PRKX: variants seen among roughly 807,000 people sequenced by gnomAD.
The protein encoded by PRKX is cAMP-dependent protein kinase catalytic subunit PRKX.
Under a neutral mutation model 22.0 loss-of-function variants are expected in PRKX, and 12 were observed. The ratio of observed to expected loss-of-function variants is 0.54; its 90% CI spans 0.35 to 0.88. PRKX has a LOEUF of 0.88. Ranked by LOEUF, PRKX falls within the 40% of genes least tolerant of loss-of-function variation. The pLI is 0.01. For missense variants in PRKX, 217 were observed against 308.0 expected (o/e 0.70, Z 2.21); for synonymous variants, 134 against 137.7 (o/e 0.97, Z 0.19).
At chrX:3,637,844 G>A (rs1926926383) in intron 4 of PRKX, among the ~76,000 whole-genome samples, 2 of 106,902 alleles carry the variant, frequency 1.9e-5, no homozygotes, top group Non-Finnish European at 3.8e-5. Context: ...TCGGCTCACC[G>A]CAACCTACCC....
chrX:3,665,233 C>T (rs1445062530), intron 2 of PRKX, among the ~76,000 whole-genome samples: 2 of 111,481 alleles, frequency 1.8e-5, no homozygotes, highest in Admixed American at 1.9e-4. Context: ...ACAGAAGGAT[C>T]CATACCAGGC....
At chrX:3,711,107 A>T (rs1928779991) in intron 1 of PRKX, among the ~76,000 whole-genome samples, 1 of 111,465 alleles carries the variant, frequency 9.0e-6, no homozygotes. Context: ...GTTGCAGATA[A>T]TGTCACCAAA....
intron 1 of PRKX, among the ~76,000 whole-genome samples, chrX:3,711,648 C>G (rs1928791741): frequency 9.0e-6 from 1 of 111,585 alleles, no homozygotes; most frequent in Non-Finnish European, 1.9e-5. Context: ...CTGCGCCAGT[C>G]AGGGTTCCTG....
chrX:3,688,680 T>C (rs1352102933), intron 1 of PRKX, among the ~76,000 whole-genome samples: 3 of 109,469 alleles, frequency 2.7e-5, no homozygotes, highest in African/African-American at 1.0e-4. Context: ...CTGGGCAACA[T>C]AGCCAGACAC....
At chrX:3,616,449 A>G (rs1040692074) in intron 6 of PRKX, among the ~76,000 whole-genome samples, 4 of 111,673 alleles carry the variant, frequency 3.6e-5, no homozygotes, top group Non-Finnish European at 7.5e-5. Flanking sequence ...AGCACCAGGC[A>G]TCGCTGGCTC....
Position 3,713,547 on chromosome X carries a change from G to A in PRKX, c.-294C>T, listed in dbSNP as rs755556312. On this transcript the variant is annotated 5_prime_UTR_variant, in exon 1 of 9. Coordinates refer to ENST00000262848, the MANE Select transcript of PRKX (RefSeq NM_005044.5). ...GAAGGCGGGGGCCGCGGCCCGGGCT[G>A]GGGGGGGCGAGGCGGGGGCCCTGCG... 9 of 190,189 alleles carry A rather than the reference G, an allele frequency of 4.7e-5. No homozygotes were observed. The South Asian group carries it at 8.9e-4, about 19-fold the overall frequency. 15.7% of individuals were successfully genotyped at this position (190,189 alleles called of 1,213,427 possible). A position where few individuals can be genotyped will look rare whatever the true frequency, so the allele number is the denominator to read the frequency against.
At chrX:3,665,156 G>C (rs6641829) in intron 2 of PRKX, among the ~76,000 whole-genome samples, 18,986 of 111,195 alleles carry the variant, frequency 0.17, 1,361 homozygotes, top group East Asian at 0.35. Flanking sequence ...ACGTGTGTGT[G>C]CTTGTGTGTG....
intron 1 of PRKX, among the ~76,000 whole-genome samples, chrX:3,680,130 CTGT>C (rs34465309): frequency 2.2e-3 from 239 of 107,881 alleles, no homozygotes; most frequent in Middle Eastern, 4.7e-3. Flanking sequence ...ACATCCTGGC[CTGT>C]TGTTGTTGTT....
intron 3 of PRKX, among the ~76,000 whole-genome samples, chrX:3,646,023 G>A (rs755641539): frequency 1.6e-4 from 18 of 111,609 alleles, no homozygotes; most frequent in Non-Finnish European, 1.9e-5. Flanking sequence ...GGCCAGGCAC[G>A]GTGGTTCATG....
intron 1 of PRKX, among the ~76,000 whole-genome samples, chrX:3,675,574 C>T (rs1927936632): frequency 9.1e-6 from 1 of 110,050 alleles, no homozygotes; most frequent in Non-Finnish European, 1.9e-5. Context: ...TCCTCCTCCT[C>T]TCCCTCCTCT....
At chrX:3,702,316 T>G (rs765465848) in intron 1 of PRKX, among the ~76,000 whole-genome samples, 2 of 113,181 alleles carry the variant, frequency 1.8e-5, no homozygotes, top group East Asian at 5.5e-4. Context: ...CACACCTGTG[T>G]GCAACCCTTT....
chrX:3,685,937 G>A (rs375367880), intron 1 of PRKX, among the ~76,000 whole-genome samples: 3 of 111,064 alleles, frequency 2.7e-5, no homozygotes, highest in Non-Finnish European at 3.8e-5. Flanking sequence ...TCCCAGTTAC[G>A]CAGGAGGCTG....
rs1164508392 is a variant in PRKX at position 3,605,285 on chromosome X, C to T, written c.*3684G>A. The T allele has an allele frequency of 8.9e-6, 1 of 112,306 alleles. No homozygotes were observed. Among genetic ancestry groups the T allele is most frequent in the Non-Finnish European group, 1.9e-5 (1 of 53,314 alleles). 9.3% of individuals were successfully genotyped at this position (112,306 alleles called of 1,213,427 possible). On this transcript the variant is annotated 3_prime_UTR_variant, in exon 9 of 9. Transcript: ENST00000262848. ...AACCCGGGCACCCCATTTCAAATCT[C>T]TACAACTGGAGAAATCAAAGGCTGC...
At chrX:3,650,177 A>G (rs968334113) in intron 3 of PRKX, among the ~76,000 whole-genome samples, 11 of 110,666 alleles carry the variant, frequency 9.9e-5, no homozygotes, top group African/African-American at 3.3e-4. Context: ...AAATTCATGT[A>G]GTGAGTAGAT....
chrX:3,704,685 C>T (rs973680416), intron 1 of PRKX, among the ~76,000 whole-genome samples: 2 of 111,081 alleles, frequency 1.8e-5, no homozygotes, highest in African/African-American at 6.6e-5. Context: ...TGAGATAATG[C>T]CGTATTTGTC....
intron 1 of PRKX, among the ~76,000 whole-genome samples, chrX:3,681,835 A>G: frequency 9.1e-6 from 1 of 109,806 alleles, no homozygotes; most frequent in East Asian, 3.0e-4. Flanking sequence ...CTTGCCTGTG[A>G]CTTTGGAGGG....
Position 3,626,445 on chromosome X carries a change from G to T in PRKX, c.789C>A (p.Phe263Leu). 1 of 1,209,512 alleles carries T rather than the reference G, an allele frequency of 8.3e-7. No individual in the cohort carries two copies. Among genetic ancestry groups the T allele is most frequent in the Non-Finnish European group, 1.1e-6 (1 of 893,477 alleles). The part of the protein sequence containing the change: ...YQKILAGKID[F>L]PRHLDFHVKD... The stretch of plus-strand genomic sequence containing the variant: ...TTACATGGAAATCCAAATGTCTGGG[G>T]AAATCTATTTTGCCTGCAAGAATTT... Residue 263 changes from phenylalanine (F) to leucine (L), a missense_variant, in exon 5 of 9, where the codon TTC becomes TTA. Phe to Leu is a conservative substitution (Grantham distance 22). Coordinates refer to ENST00000262848, the MANE Select transcript of PRKX (RefSeq NM_005044.5).
intron 5 of PRKX, among the ~76,000 whole-genome samples, chrX:3,622,059 G>A (rs1477218210): frequency 1.8e-5 from 2 of 110,867 alleles, no homozygotes; most frequent in African/African-American, 3.3e-5. Flanking sequence ...CACAAGAACC[G>A]CTTGAACCCA....
intron 1 of PRKX, among the ~76,000 whole-genome samples, chrX:3,681,834 G>A (rs940720550): frequency 9.1e-6 from 1 of 109,850 alleles, no homozygotes; most frequent in African/African-American, 3.3e-5. Context: ...TCTTGCCTGT[G>A]ACTTTGGAGG....
Sources: gnomAD v4.1 joint callset for allele counts (sites outside exome capture counted in the v4.1 genomes callset) on GRCh38, gnomAD v4.1.1 for gene constraint, MANE v1.5 for transcripts, NCBI Gene and HGNC (gene_info 2026-07-23, HGNC 2026-07-21) for gene names.